Variants in ATG14 observed in about 807,000 individuals in gnomAD.
ATG14 encodes the protein beclin 1-associated autophagy-related key regulator.
ATG14 carries 35 observed loss-of-function variants against 60.4 expected under a neutral mutation model. That is an observed-to-expected ratio of 0.58 (90% CI 0.44 to 0.77). The LOEUF (loss-of-function observed/expected upper bound fraction) is 0.77, where lower values mean the gene tolerates loss of function less well. ATG14 is among the 30% of genes least tolerant of loss of function. ATG14 has a pLI of 0.00. For synonymous variants in ATG14, 234 were observed against 228.8 expected, an observed-to-expected ratio of 1.02 and a Z score of -0.21; for missense variants, 647 against 626.3, an observed-to-expected ratio of 1.03 and a Z score of -0.35.
chr14:55,406,002 T>C lies in ATG14; in HGVS notation c.221+5600A>G, dbSNP rs186456817. On this transcript the variant is annotated intron_variant, in intron 1 of 9. Coordinates refer to ENST00000247178, the MANE Select transcript of ATG14 (RefSeq NM_014924.5). ...GATGTGGGTGAGGATACCAAAGTTG[T>C]AGGGAAGTCTTCCCATCGAACAACG... is the stretch of plus-strand genomic sequence containing the variant. Among the ~76,000 whole-genome samples, 388 of 152,268 alleles carry C rather than the reference T, an allele frequency of 2.5e-3. 1 individual carries two copies. The highest frequency in any genetic ancestry group is 6.0e-3 in the Admixed American group (92 of 15,288).
At chr14:55,383,157 C>T (rs919511443) in intron 5 of ATG14, among the ~76,000 whole-genome samples, 1 of 152,184 alleles carries the variant, frequency 6.6e-6, no homozygotes, top group African/African-American at 2.4e-5. Flanking sequence ...CTTACGCACG[C>T]GTCCCATGCC....
chr14:55,402,638 G>A (rs970492803), intron 1 of ATG14, among the ~76,000 whole-genome samples: 1 of 151,314 alleles, frequency 6.6e-6, no homozygotes, highest in Admixed American at 6.6e-5. Flanking sequence ...ATTTTCATAG[G>A]CAAATAAGAT....
At chr14:55,400,179 C>T (rs572313045) in intron 1 of ATG14, among the ~76,000 whole-genome samples, 2 of 152,334 alleles carry the variant, frequency 1.3e-5, no homozygotes, top group South Asian at 2.1e-4. Context: ...CCAGGCTCTG[C>T]AGTCTCCATC....
intron 3 of ATG14, among the ~76,000 whole-genome samples, chr14:55,391,838 T>A (rs1309794731): frequency 6.6e-6 from 1 of 152,178 alleles, no homozygotes; most frequent in Non-Finnish European, 1.5e-5. Context: ...TCTCACCCAA[T>A]AAGCAACTAG....
intron 6 of ATG14, 60 bp from the exon 7 acceptor site, chr14:55,380,750 T>A (rs1885015056): frequency 1.9e-6 from 2 of 1,069,400 alleles, no homozygotes; most frequent in East Asian, 2.5e-5. Context: ...CTACTAATAA[T>A]CCACGAGTTT....
At chr14:55,378,326 T>C (rs967252136) in intron 7 of ATG14, among the ~76,000 whole-genome samples, 1 of 152,202 alleles carries the variant, frequency 6.6e-6, no homozygotes, top group Non-Finnish European at 1.5e-5. Flanking sequence ...TACACAAATA[T>C]CTGCACACTA....
chr14:55,401,420 G>A (rs1681543419), intron 1 of ATG14, among the ~76,000 whole-genome samples: 1 of 152,000 alleles, frequency 6.6e-6, no homozygotes, highest in Non-Finnish European at 1.5e-5. Context: ...GTTGTTTAAT[G>A]ACACTAGTTT....
chr14:55,367,568 A>ACC lies in ATG14; in HGVS notation c.*2049_*2050dup, dbSNP rs1884708527. 1 of 152,014 alleles carries ACC rather than the reference A, an allele frequency of 6.6e-6. No individual in the cohort carries two copies. The highest frequency in any genetic ancestry group is 6.6e-5 in the Admixed American group (1 of 15,244). The allele number at this position is 152,014 out of a possible 1,614,324, so 9.4% of individuals were successfully genotyped here. A position where few individuals can be genotyped will look rare whatever the true frequency, so the allele number is the denominator to read the frequency against. On this transcript the variant is annotated 3_prime_UTR_variant, in exon 10 of 10. Transcript: ENST00000247178. ...GACCAGCCTGGCCAACATGGTGAAA[A>ACC]CCCCCGTCTTTACTAAAATACAAAA...
At chr14:55,402,926 A>AAAATAT (rs1566585634) in intron 1 of ATG14, among the ~76,000 whole-genome samples, 1 of 16,400 alleles carries the variant, frequency 6.1e-5, no homozygotes, top group Non-Finnish European at 1.1e-4. Context: ...AAAAAAAAAA[A>AAAATAT]ATATATATAT....
chr14:55,411,795 G>A lies in ATG14; in HGVS notation c.28C>T (p.Arg10Trp), dbSNP rs756876422. ...CCGCAGCCAGGAGCCTCCAGCGCCC[G>A]GGCTCCCTTCCCACTGGGAGACGCC... is the stretch of plus-strand genomic sequence containing the variant. MASPSGKGA[R>W]ALEAPGCGPR... The change falls in exon 1 of 10, where the codon CGG becomes TGG. Residue 10 changes from arginine to tryptophan, a missense_variant. Physicochemically the swap from Arg to Trp is moderately radical, Grantham distance 101. Transcript: ENST00000247178. The A allele has an allele frequency of 2.2e-5, 35 of 1,599,620 alleles. No homozygotes were observed. The highest frequency in any genetic ancestry group is 2.9e-5 in the Non-Finnish European group (34 of 1,173,836).
Position 55,369,670 on chromosome 14 carries a change from A to T in ATG14, c.1428T>A (p.Ser476=), listed in dbSNP as rs745477160. 6.3e-7 allele frequency: 1 copy of T among 1,576,436 alleles called. No individual in the cohort carries two copies. The highest frequency in any genetic ancestry group is 8.6e-7 in the Non-Finnish European group (1 of 1,157,642). ...ACCAGGAGGTCACCGAGGCTGCTGC[A>T]GAGGAGATCATCCCACCTGCACTGC... ...ASSSAGGMIS[S]AAASVTSWFK... is the part of the protein sequence containing the mutation. Residue 476 remains serine (S), a synonymous_variant, in exon 10 of 10, where the codon TCT becomes TCA. Coordinates refer to ENST00000247178, the MANE Select transcript of ATG14 (RefSeq NM_014924.5).
rs930308176 is a variant in ATG14 at position 55,383,327 on chromosome 14, G to A, written c.648-1136C>T. On this transcript the variant is annotated intron_variant, in intron 5 of 9. Transcript: ENST00000247178. ...GCACTTTGGAAGGCTGAGGCAGGCAGATCACTTGAGGTCAGGAATTCGAGA... is the reference window on the plus strand; with the variant it reads ...GCACTTTGGAAGGCTGAGGCAGGCAAATCACTTGAGGTCAGGAATTCGAGA... Among the ~76,000 whole-genome samples the A allele has an allele frequency of 5.3e-5, 8 of 152,102 alleles. No homozygotes were observed. In the East Asian group the frequency reaches 1.5e-3, roughly 29 times the overall value.
chr14:55,407,057 G>A (rs1338758266), intron 1 of ATG14, among the ~76,000 whole-genome samples: 1 of 151,734 alleles, frequency 6.6e-6, no homozygotes. Flanking sequence ...TGCCTCCCAG[G>A]TTCAAGCAAT....
At chr14:55,386,570 G>T (rs3825616) in intron 4 of ATG14, among the ~76,000 whole-genome samples, 1 of 152,038 alleles carries the variant, frequency 6.6e-6, no homozygotes, top group Non-Finnish European at 1.5e-5. Context: ...AGAAGGGCAA[G>T]AGAAACAGCC....
rs566546875 is a variant in ATG14, at chr14:55,405,073, C to T, written c.221+6529G>A. Among the ~76,000 whole-genome samples, 5 of 152,302 alleles carry T rather than the reference C, an allele frequency of 3.3e-5. No individual in the cohort carries two copies. In the East Asian group the frequency reaches 9.6e-4, roughly 29 times the overall value. On this transcript the variant is annotated intron_variant, in intron 1 of 9. Transcript: ENST00000247178. ...TTCTGGTGGAAATACCATAAACAAA[C>T]TCCATGGGACAGGAATTGAGACCCT...
rs56947519 is a variant in ATG14, at chr14:55,402,932, T to A, written c.222-5498A>T. ...AAAAAAAAAAAAAAAAAAAAATATA[T>A]ATATATATATATATATATATATATA... On this transcript the variant is annotated intron_variant, in intron 1 of 9. Coordinates refer to ENST00000247178, the MANE Select transcript of ATG14 (RefSeq NM_014924.5). 5.7e-3 allele frequency among the ~76,000 whole-genome samples: 105 copies of A among 18,386 alleles called. 1 individual carries two copies. The highest frequency in any genetic ancestry group is 7.9e-3 in the East Asian group (5 of 634). The allele number at this position is 18,386 out of a possible 152,430, so 12.1% of individuals were successfully genotyped here. A position where few individuals can be genotyped will look rare whatever the true frequency, so the allele number is the denominator to read the frequency against.
chr14:55,375,614 C>G (rs2016931), intron 9 of ATG14, among the ~76,000 whole-genome samples: 64,635 of 151,012 alleles, frequency 0.43, 14,050 homozygotes, highest in African/African-American at 0.46. Context: ...AAGTAGCTGG[C>G]ATTATAGGCG....
intron 9 of ATG14, among the ~76,000 whole-genome samples, chr14:55,377,590 T>G (rs1884943476): frequency 6.6e-6 from 1 of 152,150 alleles, no homozygotes; most frequent in Non-Finnish European, 1.5e-5. Flanking sequence ...TCAACTGCGC[T>G]TCAGGTATTA....
intron 3 of ATG14, among the ~76,000 whole-genome samples, chr14:55,393,654 C>T (rs1257257024): frequency 6.6e-6 from 1 of 151,588 alleles, no homozygotes; most frequent in Non-Finnish European, 1.5e-5. Context: ...AAGTGATCCT[C>T]CCACCTCAAC....
Sources: allele counts gnomAD v4.1 joint callset (sites outside exome capture counted in the v4.1 genomes callset), GRCh38; gene constraint gnomAD v4.1.1; transcripts MANE v1.5; gene names NCBI Gene and HGNC (gene_info 2026-07-23, HGNC 2026-07-21).